Variants in NBEA observed in about 807,000 individuals in gnomAD.
NBEA encodes neurobeachin.
NBEA carries 44 observed loss-of-function variants against 343.4 expected under a neutral mutation model. That is an observed-to-expected ratio of 0.13 (90% CI 0.10 to 0.16). The LOEUF (loss-of-function observed/expected upper bound fraction) is 0.16. Among genes scored for constraint, NBEA ranks in the 10% least tolerant of loss-of-function variants. The pLI is 1.00. For missense variants in NBEA, 2,555 were observed against 3,631.3 expected (o/e 0.70, Z 7.62); for synonymous variants, 1,175 against 1,238.7 (o/e 0.95, Z 1.08).
intron 38 of NBEA, among the ~76,000 whole-genome samples, chr13:35,425,748 G>T (rs556905033): frequency 3.9e-5 from 6 of 152,288 alleles, no homozygotes; most frequent in African/African-American, 1.4e-4. Context: ...ACAGTGGGGT[G>T]TGAAAGTCTC....
At chr13:35,391,690 G>A (rs2042508979) in intron 38 of NBEA, among the ~76,000 whole-genome samples, 1 of 152,110 alleles carries the variant, frequency 6.6e-6, no homozygotes, top group Non-Finnish European at 1.5e-5. Flanking sequence ...TGGAAACATG[G>A]AACATAAAAG....
chr13:35,141,545 G>C (rs1445104535), intron 17 of NBEA, among the ~76,000 whole-genome samples: 1 of 152,156 alleles, frequency 6.6e-6, no homozygotes, highest in Non-Finnish European at 1.5e-5. Flanking sequence ...GATTACAGGC[G>C]TGAACCACTG....
chr13:35,365,103 G>T (rs1241265357), intron 38 of NBEA, among the ~76,000 whole-genome samples: 1 of 151,690 alleles, frequency 6.6e-6, no homozygotes, highest in Non-Finnish European at 1.5e-5. Flanking sequence ...AAACCTCTAT[G>T]AGCCAGTTCA....
intron 41 of NBEA, among the ~76,000 whole-genome samples, chr13:35,534,208 T>C (rs4943305): frequency 0.34 from 51,297 of 151,868 alleles, 9,033 homozygotes; most frequent in East Asian, 0.54. Flanking sequence ...GGCAGAAAAC[T>C]CCTAGCCACT....
intron 41 of NBEA, among the ~76,000 whole-genome samples, chr13:35,499,847 T>C (rs1566228209): frequency 6.6e-6 from 1 of 152,082 alleles, no homozygotes; most frequent in Non-Finnish European, 1.5e-5. Flanking sequence ...GAAGGACAAA[T>C]GAACGCTGTC....
rs533775694 is a variant in NBEA, at chr13:35,118,963, G to A, written c.2243+489G>A. Among the ~76,000 whole-genome samples the A allele has an allele frequency of 2.0e-5, 3 of 152,090 alleles. No individual in the cohort carries two copies. In the East Asian group the frequency reaches 5.8e-4, roughly 29 times the overall value. ...TTGTTAGATTTACAATCACCAGTGT[G>A]AAACATGAGTTGAAGGACAAACTGA... On this transcript the variant is annotated intron_variant, in intron 16 of 58. Transcript: ENST00000379939.
rs1009418910 is a variant in NBEA at position 35,093,903 on chromosome 13, A to C, written c.1572-4394A>C. On this transcript the variant is annotated intron_variant, in intron 10 of 58. Coordinates refer to ENST00000379939, the MANE Select transcript of NBEA (RefSeq NM_001385012.1). ...CTTTTACCTTTGAAGGCTTTTAGTA[A>C]ATATATGAAAGGAGCTTATAATAAA... Among the ~76,000 whole-genome samples, 3 of 151,872 alleles carry C rather than the reference A, an allele frequency of 2.0e-5. No homozygotes were observed. In the Admixed American group the frequency reaches 2.0e-4, roughly 10 times the overall value.
At chr13:35,008,389 TTAAA>T (rs1254305533) in intron 1 of NBEA, among the ~76,000 whole-genome samples, 1 of 152,168 alleles carries the variant, frequency 6.6e-6, no homozygotes, top group African/African-American at 2.4e-5. Flanking sequence ...CCCATATCCT[TTAAA>T]TAATCTCTAG....
intron 35 of NBEA, among the ~76,000 whole-genome samples, chr13:35,294,042 A>C (rs2152820401): frequency 6.6e-6 from 1 of 152,222 alleles, no homozygotes; most frequent in Non-Finnish European, 1.5e-5. Context: ...AGTAATATAA[A>C]GTAAGAGGCC....
At chr13:35,621,884 G>A (rs953340720) in intron 48 of NBEA, among the ~76,000 whole-genome samples, 7 of 152,210 alleles carry the variant, frequency 4.6e-5, no homozygotes, top group African/African-American at 1.7e-4. Context: ...CATTCTAATT[G>A]AGGATATAGT....
chr13:35,478,256 A>G (rs1224724784), intron 41 of NBEA, among the ~76,000 whole-genome samples: 1 of 152,218 alleles, frequency 6.6e-6, no homozygotes, highest in African/African-American at 2.4e-5. Flanking sequence ...AAAATAGTAT[A>G]CATTGGGGTG....
At chr13:35,246,875 T>G (rs1314855103) in intron 34 of NBEA, among the ~76,000 whole-genome samples, 1 of 152,148 alleles carries the variant, frequency 6.6e-6, no homozygotes, top group Non-Finnish European at 1.5e-5. Flanking sequence ...GATCTTTGTC[T>G]TCAGCTACCA....
intron 38 of NBEA, among the ~76,000 whole-genome samples, chr13:35,428,020 G>A (rs554093639): frequency 6.6e-6 from 1 of 152,216 alleles, no homozygotes; most frequent in African/African-American, 2.4e-5. Flanking sequence ...TGATTTTCCA[G>A]GTGCCATCTG....
At position 35,464,589 on chromosome 13, in the gene NBEA, C is replaced by T. The variant is rs906264673; in HGVS notation, c.6449-7811C>T. Among the ~76,000 whole-genome samples the T allele has an allele frequency of 8.2e-4, 124 of 152,108 alleles. 2 individuals carry two copies. The highest frequency in any genetic ancestry group is 8.0e-3 in the Admixed American group (123 of 15,282). ...CGTATATAACAAATACCCTGACTTT[C>T]GAATCAGATCACCAATTTTGAATCC... On this transcript the variant is annotated intron_variant, in intron 40 of 58. Coordinates refer to ENST00000379939, the MANE Select transcript of NBEA (RefSeq NM_001385012.1).
chr13:35,306,370 A>C (rs542744751), intron 35 of NBEA, among the ~76,000 whole-genome samples: 12 of 152,000 alleles, frequency 7.9e-5, no homozygotes, highest in African/African-American at 2.9e-4. Flanking sequence ...CTAGATAGTG[A>C]CCTTTAAAAG....
intron 38 of NBEA, among the ~76,000 whole-genome samples, chr13:35,421,678 G>C (rs372259902): frequency 6.6e-6 from 1 of 152,020 alleles, no homozygotes; most frequent in Admixed American, 6.6e-5. Context: ...TTACAGGACT[G>C]CCTATAGCCT....
chr13:35,306,620 G>T (rs1276848999), intron 35 of NBEA, among the ~76,000 whole-genome samples: 1 of 151,736 alleles, frequency 6.6e-6, no homozygotes, highest in African/African-American at 2.4e-5. Flanking sequence ...TCTAATATTG[G>T]TCTGTGTCTT....
intron 31 of NBEA, among the ~76,000 whole-genome samples, chr13:35,202,890 T>A (rs999677256): frequency 6.6e-6 from 1 of 152,128 alleles, no homozygotes; most frequent in African/African-American, 2.4e-5. Context: ...TTAAGGCAAA[T>A]TTTTTTGCAT....
intron 34 of NBEA, among the ~76,000 whole-genome samples, chr13:35,261,830 AC>A (rs745750236): frequency 3.3e-5 from 5 of 152,190 alleles, no homozygotes; most frequent in Non-Finnish European, 5.9e-5. Flanking sequence ...GGAAAATAAT[AC>A]CCAAATATTT....
Sources: gnomAD v4.1 joint callset for allele counts (sites outside exome capture counted in the v4.1 genomes callset) on GRCh38, gnomAD v4.1.1 for gene constraint, MANE v1.5 for transcripts, NCBI Gene and HGNC (gene_info 2026-07-23, HGNC 2026-07-21) for gene names.